Variants in ANO4 observed in about 807,000 individuals in gnomAD.
ANO4 encodes anoctamin-4.
A neutral mutation model predicts 141.9 loss-of-function variants in ANO4; 69 were observed. The ratio of observed to expected loss-of-function variants is 0.49; its 90% CI spans 0.40 to 0.59. ANO4 has a LOEUF of 0.59. Among genes scored for constraint, ANO4 ranks in the 20% least tolerant of loss-of-function variants. The pLI, the probability that ANO4 is intolerant of heterozygous loss-of-function variation, is 0.00. For synonymous variants in ANO4, 350 were observed against 394.3 expected (o/e 0.89, Z 1.33); for missense variants, 894 against 1,162.2 (o/e 0.77, Z 3.36).
chr12:101,082,234 C>A (rs572203244), intron 15 of ANO4, among the ~76,000 whole-genome samples: 1 of 152,190 alleles, frequency 6.6e-6, no homozygotes, highest in South Asian at 2.1e-4. Flanking sequence ...AGGGGACATC[C>A]CCTGCACATG....
rs1262882219 is a variant in ANO4, at chr12:100,745,285, A to G, written c.358+5180A>G. Among the ~76,000 whole-genome samples, 4 of 152,202 alleles carry G rather than the reference A, an allele frequency of 2.6e-5. No homozygotes were observed. In the South Asian group the frequency reaches 6.2e-4, roughly 24 times the overall value. On this transcript the variant is annotated intron_variant, in intron 3 of 29. Transcript: ENST00000644049. ...TCTCCTAGAATATTCTTATTCTTCA[A>G]ACTCAATTAAGAGTTTGTGAATTCT...
intron 17 of ANO4, among the ~76,000 whole-genome samples, chr12:101,089,556 A>T (rs547422875): frequency 6.6e-6 from 1 of 152,298 alleles, no homozygotes; most frequent in South Asian, 2.1e-4. Context: ...AAACAGCCAT[A>T]GGTGAAATGT....
At chr12:100,934,065 G>A (rs2042192453) in intron 3 of ANO4, among the ~76,000 whole-genome samples, 1 of 152,058 alleles carries the variant, frequency 6.6e-6, no homozygotes, top group African/African-American at 2.4e-5. Context: ...CACTCTGATG[G>A]TAGTTTCTTT....
chr12:101,106,592 TA>T (rs1462125625), intron 22 of ANO4, among the ~76,000 whole-genome samples: 1 of 149,476 alleles, frequency 6.7e-6, no homozygotes, highest in Non-Finnish European at 1.5e-5. Flanking sequence ...TATATATATA[TA>T]TAAATGAACT....
At chr12:100,850,992 G>A (rs2037843440) in intron 1 of ANO4, among the ~76,000 whole-genome samples, 1 of 151,962 alleles carries the variant, frequency 6.6e-6, no homozygotes, top group African/African-American at 2.4e-5. Flanking sequence ...GGATATTTGT[G>A]TTTCTATTTT....
chr12:100,950,613 C>T (rs776494729), intron 5 of ANO4, among the ~76,000 whole-genome samples: 38 of 152,138 alleles, frequency 2.5e-4, no homozygotes, highest in Non-Finnish European at 4.3e-4. Context: ...AACAGCTAAG[C>T]CAAAAGCATG....
chr12:101,042,515 G>A (rs1334011874), intron 12 of ANO4, 47 bp downstream of exon 12: 1 of 1,608,816 alleles, frequency 6.2e-7, no homozygotes, highest in Admixed American at 1.7e-5. Context: ...GTACTTAGAG[G>A]TGGCTGTTTG....
rs1256984272 is a variant in ANO4 at position 100,782,406 on chromosome 12, G to T, written c.358+42301G>T. On this transcript the variant is annotated intron_variant, in intron 3 of 29. Transcript: ENST00000644049. ...CACCTGATTATGGTTAAAAACCATG[G>T]ATTCCTCTTGGCATTTCCTAGTCTG... Among the ~76,000 whole-genome samples, 3 of 152,134 alleles carry T rather than the reference G, an allele frequency of 2.0e-5. No homozygotes were observed. The East Asian group carries it at 5.8e-4, about 29-fold the overall frequency.
intron 1 of ANO4, among the ~76,000 whole-genome samples, chr12:100,823,228 CTT>C (rs925950955): frequency 6.6e-6 from 1 of 151,224 alleles, no homozygotes. Flanking sequence ...AGCCAAATGA[CTT>C]TTTTTTTATA....
intron 7 of ANO4, among the ~76,000 whole-genome samples, chr12:100,980,237 A>G (rs2136305490): frequency 6.6e-6 from 1 of 152,314 alleles, no homozygotes; most frequent in African/African-American, 2.4e-5. Flanking sequence ...GGCCTCTCAA[A>G]ATAGGCTTCA....
chr12:101,099,508 C>T (rs140039723), intron 21 of ANO4, 70 bp from the exon 22 acceptor site: 16,270 of 1,419,700 alleles, frequency 0.011, 105 homozygotes, highest in Non-Finnish European at 0.013. Context: ...TATTCAAACT[C>T]TCCTTTTTCT....
In ANO4 at chr12:100,971,411, G is replaced by T; in HGVS notation, c.557+5G>T. 1 of 1,574,760 alleles carries T rather than the reference G, an allele frequency of 6.4e-7. No homozygotes were observed. Among genetic ancestry groups the T allele is most frequent in the South Asian group, 1.1e-5 (1 of 89,060 alleles). On this transcript the variant is annotated splice_donor_5th_base_variant and intron_variant, in intron 6 of 27. Coordinates refer to ENST00000392977, the MANE Select transcript of ANO4 (RefSeq NM_001286615.2). ...GAATGTAAGAATGCCTTTCAGGTAG[G>T]TGGAAATGTATTTTATTCCACTCTC...
intron 9 of ANO4, among the ~76,000 whole-genome samples, chr12:101,031,994 A>G (rs928141488): frequency 6.6e-6 from 1 of 152,228 alleles, no homozygotes; most frequent in African/African-American, 2.4e-5. Context: ...TATTGTAAAA[A>G]TGTTCATACT....
intron 1 of ANO4, among the ~76,000 whole-genome samples, chr12:100,877,518 T>G (rs1316531205): frequency 1.3e-5 from 2 of 151,692 alleles, no homozygotes; most frequent in Non-Finnish European, 2.9e-5. Context: ...TTTTTTTTTT[T>G]CTTAATGGAA....
At chr12:100,757,952 A>G (rs2135517241) in intron 3 of ANO4, among the ~76,000 whole-genome samples, 1 of 152,264 alleles carries the variant, frequency 6.6e-6, no homozygotes, top group East Asian at 1.9e-4. Flanking sequence ...CACTCCTTCA[A>G]GGACTGTGGA....
At chr12:101,017,828 G>C (rs2046373186) in intron 8 of ANO4, among the ~76,000 whole-genome samples, 1 of 152,214 alleles carries the variant, frequency 6.6e-6, no homozygotes, top group Non-Finnish European at 1.5e-5. Context: ...TATTGAGACT[G>C]TTTAGAATAG....
At chr12:100,899,966 G>T (rs2040513569) in intron 1 of ANO4, among the ~76,000 whole-genome samples, 1 of 152,160 alleles carries the variant, frequency 6.6e-6, no homozygotes, top group Non-Finnish European at 1.5e-5. Context: ...AAGAGGTTGT[G>T]ATTCAAACCT....
chr12:100,925,890 T>C (rs1174073494), intron 3 of ANO4, among the ~76,000 whole-genome samples: 1 of 151,458 alleles, frequency 6.6e-6, no homozygotes, highest in Non-Finnish European at 1.5e-5. Flanking sequence ...AAGATCAAGC[T>C]AGAAGTGCAT....
intron 1 of ANO4, among the ~76,000 whole-genome samples, chr12:100,895,198 G>T (rs1247370076): frequency 2.0e-5 from 3 of 151,570 alleles, no homozygotes; most frequent in Non-Finnish European, 4.4e-5. Context: ...GTGTGTGGTG[G>T]TGACATTCAA....
Sources: gnomAD v4.1 joint callset for allele counts (sites outside exome capture counted in the v4.1 genomes callset) on GRCh38, gnomAD v4.1.1 for gene constraint, MANE v1.5 for transcripts, NCBI Gene and HGNC (gene_info 2026-07-23, HGNC 2026-07-21) for gene names.